EXT2: variants seen among roughly 807,000 people sequenced by gnomAD.
EXT2 encodes the protein exostosin glycosyltransferase 2.
EXT2 carries 53 observed loss-of-function variants against 81.6 expected under a neutral mutation model. The observed-to-expected ratio is 0.65, with a 90% CI of 0.52 to 0.82. EXT2 has a LOEUF of 0.82. Ranked by LOEUF, EXT2 falls within the 40% of genes least tolerant of loss-of-function variation. The probability of loss-of-function intolerance (pLI) is 0.00; values close to 1 mark genes in which losing one functional copy is unlikely to be tolerated. For synonymous variants in EXT2, 320 were observed against 340.0 expected (o/e 0.94, Z 0.65); for missense variants, 774 against 910.2 (o/e 0.85, Z 1.93).
chr11:44,099,571 C>G (rs1240657647), intron 1 of EXT2, among the ~76,000 whole-genome samples: 1 of 152,190 alleles, frequency 6.6e-6, no homozygotes. Context: ...ATTCTTCCGC[C>G]TCAGCCTCCC....
chr11:44,160,682 G>A (rs1013950639), intron 7 of EXT2, among the ~76,000 whole-genome samples: 1 of 152,186 alleles, frequency 6.6e-6, no homozygotes, highest in Non-Finnish European at 1.5e-5. Context: ...TTTGGATGAA[G>A]AATAATCTGG....
intron 7 of EXT2, among the ~76,000 whole-genome samples, chr11:44,136,627 A>G (rs1421414335): frequency 6.6e-6 from 1 of 152,210 alleles, no homozygotes; most frequent in East Asian, 1.9e-4. Flanking sequence ...CAGTGTTATA[A>G]TGTCTACCAT....
intron 7 of EXT2, among the ~76,000 whole-genome samples, chr11:44,147,537 G>A (rs918804443): frequency 2.6e-5 from 4 of 151,790 alleles, no homozygotes; most frequent in African/African-American, 4.8e-5. Context: ...AATGGGCTAG[G>A]CCTGGGCAGG....
At chr11:44,134,583 G>A (rs1173939667) in intron 7 of EXT2, among the ~76,000 whole-genome samples, 1 of 152,240 alleles carries the variant, frequency 6.6e-6, no homozygotes, top group African/African-American at 2.4e-5. Context: ...TTTTTCTGTA[G>A]TCAAATGGAA....
intron 7 of EXT2, among the ~76,000 whole-genome samples, chr11:44,143,174 A>C (rs1954668980): frequency 6.6e-6 from 1 of 151,806 alleles, no homozygotes; most frequent in South Asian, 2.1e-4. Flanking sequence ...CAGGTCTTGA[A>C]CTCCTGACTT....
rs545052851 is a variant in EXT2 at position 44,192,151 on chromosome 11, G to A, written c.1306-5678G>A. ...CAAGCTGTGAGGTGCCCTGTTGGAT[G>A]GCTCACTGTCTTGTCAGCAAATCTT... On this transcript the variant is annotated intron_variant, in intron 8 of 13. Transcript: ENST00000533608. Among the ~76,000 whole-genome samples the A allele has an allele frequency of 1.4e-4, 22 of 152,296 alleles. 1 individual carries two copies. The highest frequency in any genetic ancestry group is 5.3e-4 in the African/African-American group (22 of 41,564).
intron 8 of EXT2, among the ~76,000 whole-genome samples, chr11:44,190,372 A>G (rs1955375651): frequency 6.6e-6 from 1 of 152,242 alleles, no homozygotes; most frequent in African/African-American, 2.4e-5. Flanking sequence ...AACAACCAAG[A>G]AAACTGCCCT....
intron 6 of EXT2, 123 bp from the exon 7 acceptor site, chr11:44,129,922 G>A (rs766276510): frequency 4.1e-5 from 31 of 758,072 alleles, no homozygotes; most frequent in Non-Finnish European, 6.7e-5. Flanking sequence ...CTTACCGGAA[G>A]GGATGTGGGG....
chr11:44,109,308 C>T, intron 3 of EXT2, 25 bp downstream of exon 3: 1 of 1,572,014 alleles, frequency 6.4e-7, no homozygotes. Context: ...TGGGGCTGTC[C>T]TTATGATGGG....
chr11:44,134,359 T>C (rs1160341552), intron 7 of EXT2, among the ~76,000 whole-genome samples: 2 of 152,160 alleles, frequency 1.3e-5, no homozygotes, highest in African/African-American at 2.4e-5. Context: ...TGGGGATATA[T>C]GGGTATAAGC....
At chr11:44,215,242 G>T (rs1955703912) in intron 10 of EXT2, among the ~76,000 whole-genome samples, 1 of 152,064 alleles carries the variant, frequency 6.6e-6, no homozygotes, top group African/African-American at 2.4e-5. Context: ...TGCATATAAA[G>T]CTATAAATTA....
At chr11:44,214,177 A>G (rs961128027) in intron 10 of EXT2, among the ~76,000 whole-genome samples, 1 of 152,006 alleles carries the variant, frequency 6.6e-6, no homozygotes, top group Admixed American at 6.5e-5. Flanking sequence ...GCAGTGGCGC[A>G]ATCTCGGCTC....
At chr11:44,097,386 G>A (rs955184151) in intron 1 of EXT2, among the ~76,000 whole-genome samples, 1 of 152,162 alleles carries the variant, frequency 6.6e-6, no homozygotes, top group Non-Finnish European at 1.5e-5. Flanking sequence ...AATGAATTGT[G>A]GCTTTTTTTG....
chr11:44,126,459 AG>A (rs1954405638), intron 5 of EXT2, among the ~76,000 whole-genome samples: 1 of 152,234 alleles, frequency 6.6e-6, no homozygotes, highest in African/African-American at 2.4e-5. Context: ...GATGTCAGAC[AG>A]TGTGCCGTGG....
At position 44,248,009 on chromosome 11, in the gene EXT2, T is replaced by G. The variant is rs932658227; in HGVS notation, c.*3722T>G. On this transcript the variant is annotated 3_prime_UTR_variant, in exon 14 of 14. Coordinates refer to ENST00000533608, the MANE Select transcript of EXT2 (RefSeq NM_207122.2). ...GGAAGTGGTTGGGTTCTGGGAAGGC[T>G]CTTCCTAGCTCTGCAGTTAGATCCT... Among the ~76,000 whole-genome samples the G allele has an allele frequency of 2.0e-5, 3 of 152,190 alleles. No homozygotes were observed. The highest frequency in any genetic ancestry group is 2.9e-5 in the Non-Finnish European group (2 of 68,038).
At chr11:44,236,164 T>A in intron 12 of EXT2, 129 bp from the exon 13 acceptor site, 1 of 789,884 alleles carries the variant, frequency 1.3e-6, no homozygotes, top group Non-Finnish European at 2.2e-6. Flanking sequence ...GCGAGGTGTG[T>A]GTGTGTGTGT....
At position 44,124,918 on chromosome 11, in the gene EXT2, G is replaced by T. The variant is rs768874901; in HGVS notation, c.873G>T (p.Glu291Asp). The change falls in exon 5 of 14, where the codon GAG becomes GAT. Residue 291 changes from glutamate to aspartate, a missense_variant. Transcript: ENST00000533608. ...TCGATAAATGCACCAACCTCTCAGAGGGTGTCCTTTCTGTCCGTAAGCGCT... is the reference window on the plus strand; with the variant it reads ...TCGATAAATGCACCAACCTCTCAGATGGTGTCCTTTCTGTCCGTAAGCGCT... ...LVLDKCTNLS[E>D]GVLSVRKRCH... 1.9e-6 allele frequency: 3 copies of T among 1,614,064 alleles called. No individual in the cohort carries two copies. Among genetic ancestry groups the T allele is most frequent in the Non-Finnish European group, 2.5e-6 (3 of 1,180,018 alleles).
At chr11:44,200,734 T>C (rs996434499) in intron 9 of EXT2, among the ~76,000 whole-genome samples, 1 of 152,178 alleles carries the variant, frequency 6.6e-6, no homozygotes, top group East Asian at 1.9e-4. Context: ...GCTTAAGGTT[T>C]GTATGGAAAT....
chr11:44,099,961 A>G (rs548659704), intron 1 of EXT2, among the ~76,000 whole-genome samples: 1 of 152,118 alleles, frequency 6.6e-6, no homozygotes, highest in South Asian at 2.1e-4. Context: ...GCTTGTGTCG[A>G]CACACTTCAC....
Sources: gnomAD v4.1 joint callset for allele counts (sites outside exome capture counted in the v4.1 genomes callset) on GRCh38, gnomAD v4.1.1 for gene constraint, MANE v1.5 for transcripts, NCBI Gene and HGNC (gene_info 2026-07-23, HGNC 2026-07-21) for gene names.